The following ANKFY1 variants were observed in gnomAD, a reference collection of about 807,000 sequenced individuals.
ANKFY1 encodes the protein ankyrin repeat and FYVE domain-containing protein 1.
ANKFY1 carries 47 observed loss-of-function variants against 128.3 expected under a neutral mutation model. The ratio of observed to expected loss-of-function variants is 0.37; its 90% CI spans 0.29 to 0.47. The LOEUF (loss-of-function observed/expected upper bound fraction) is 0.47, where lower values mean the gene tolerates loss of function less well. Among genes scored for constraint, ANKFY1 ranks in the 20% least tolerant of loss-of-function variants. ANKFY1 has a pLI of 1.00. For synonymous variants in ANKFY1, 553 were observed against 601.6 expected, an observed-to-expected ratio of 0.92 and a Z score of 1.18; for missense variants, 1,222 against 1,510.6, an observed-to-expected ratio of 0.81 and a Z score of 3.17.
intron 1 of ANKFY1, among the ~76,000 whole-genome samples, chr17:4,263,044 T>C (rs1968506484): frequency 6.6e-6 from 1 of 150,410 alleles, no homozygotes; most frequent in African/African-American, 2.5e-5. Flanking sequence ...TCTCCAATAA[T>C]GGGGTGAAGA....
At chr17:4,233,741 C>T (rs572517793) in intron 3 of ANKFY1, among the ~76,000 whole-genome samples, 1 of 152,322 alleles carries the variant, frequency 6.6e-6, no homozygotes, top group African/African-American at 2.4e-5. Flanking sequence ...TCTGTATTTA[C>T]AGCCCTGGTC....
At chr17:4,196,889 G>A (rs1012072110) in intron 8 of ANKFY1, among the ~76,000 whole-genome samples, 2 of 152,226 alleles carry the variant, frequency 1.3e-5, no homozygotes, top group Admixed American at 1.3e-4. Context: ...GGAGACCGAG[G>A]TGGGCAGATT....
chr17:4,255,728 A>AAGAG (rs1968079035), intron 1 of ANKFY1, among the ~76,000 whole-genome samples: 1 of 152,198 alleles, frequency 6.6e-6, no homozygotes, highest in African/African-American at 2.4e-5. Context: ...ATTTCATTAA[A>AAGAG]GTGTCAGCTT....
intron 2 of ANKFY1, among the ~76,000 whole-genome samples, chr17:4,238,561 C>T (rs544954066): frequency 6.6e-6 from 1 of 152,166 alleles, no homozygotes; most frequent in South Asian, 2.1e-4. Context: ...ACAACCTCCA[C>T]CTCCCAGGTT....
At position 4,263,930 on chromosome 17, in the gene ANKFY1, A is replaced by G. The variant is rs1311011209; in HGVS notation, c.10+2T>C. On this transcript the variant is annotated splice_donor_variant, in intron 1 of 24. Coordinates refer to ENST00000341657, the MANE Select transcript of ANKFY1 (RefSeq NM_001330063.2). LOFTEE classifies it high-confidence loss of function. ...CCGCGCGGCTCCACAAAAAAACCCT[A>G]CCTTCCGCCATGTCTGGCCCGGCAC... 1.2e-6 allele frequency: 2 copies of G among 1,613,714 alleles called. No homozygotes were observed.
chr17:4,171,628 C>T (rs1041914060), intron 22 of ANKFY1, among the ~76,000 whole-genome samples: 3 of 152,170 alleles, frequency 2.0e-5, no homozygotes, highest in African/African-American at 7.2e-5. Context: ...ACACGGAGCC[C>T]CTCCCTGCTG....
intron 2 of ANKFY1, among the ~76,000 whole-genome samples, chr17:4,236,979 T>C (rs981106304): frequency 1.3e-5 from 2 of 151,788 alleles, no homozygotes; most frequent in Admixed American, 6.6e-5. Context: ...CTACTAAAAA[T>C]ACAAAAATTA....
intron 11 of ANKFY1, 124 bp downstream of exon 11, chr17:4,189,258 A>C: frequency 1.4e-6 from 1 of 697,270 alleles, no homozygotes; most frequent in East Asian, 2.8e-5. Context: ...TTTTAACCAT[A>C]TGCATGTATT....
In ANKFY1 at chr17:4,197,726, C is replaced by T. The variant is rs1007107111; in HGVS notation, c.899-149G>A. ...CTCTTGGGGCATCTGTAAGTGGAAA[C>T]TCATTGAGATCATGGAGTTACAGAC... On this transcript the variant is annotated intron_variant, in intron 7 of 24. Transcript: ENST00000341657. 8 of 738,712 alleles carry T rather than the reference C, an allele frequency of 1.1e-5. No homozygotes were observed. In the African/African-American group the frequency reaches 1.4e-4, roughly 13 times the overall value. The allele number at this position is 738,712 out of a possible 1,614,324, so 45.8% of individuals were successfully genotyped here.
intron 8 of ANKFY1, 92 bp from the exon 9 acceptor site, chr17:4,195,563 C>T (rs891120931): frequency 3.2e-6 from 3 of 945,214 alleles, no homozygotes; most frequent in Admixed American, 2.1e-5. Flanking sequence ...GGCAGAATCA[C>T]CACCCGCAAG....
chr17:4,189,848 G>A (rs1395224189), intron 10 of ANKFY1, among the ~76,000 whole-genome samples: 1 of 149,684 alleles, frequency 6.7e-6, no homozygotes, highest in African/African-American at 2.6e-5. Context: ...TCTGTATGTG[G>A]ACACAGAGGC....
chr17:4,252,751 T>C lies in ANKFY1; in HGVS notation c.11-10303A>G, dbSNP rs186923603. Among the ~76,000 whole-genome samples the C allele has an allele frequency of 4.6e-5, 7 of 152,300 alleles. No homozygotes were observed. The East Asian group carries it at 1.3e-3, about 29-fold the overall frequency. On this transcript the variant is annotated intron_variant, in intron 1 of 24. Transcript: ENST00000341657. ...ATAAACACAAAGAATTCTATTTAAA[T>C]GTTCAATGAAGCTTTATTCATAACA...
intron 3 of ANKFY1, chr17:4,223,840 G>A (rs2060371762): frequency 3.6e-5 from 42 of 1,178,026 alleles, no homozygotes; most frequent in South Asian, 3.0e-4. Flanking sequence ...CTCTTCTCTC[G>A]CAATCCCACA....
In ANKFY1 at chr17:4,167,088, A is replaced by C. The variant is rs1266918829; in HGVS notation, c.*691T>G. ...AAGACGAGAGAATGAGACGGCTGCT[A>C]CGAGGTGTCAAGCGGCCCAGCTGCA... On this transcript the variant is annotated 3_prime_UTR_variant, in exon 25 of 25. Coordinates refer to ENST00000341657, the MANE Select transcript of ANKFY1 (RefSeq NM_001330063.2). This position sits in a 1 kb window ranked among gnomAD's most constrained non-coding sequence, Gnocchi z 4.1. 6.6e-6 allele frequency: 1 copy of C among 152,642 alleles called. No individual in the cohort carries two copies. Among genetic ancestry groups the C allele is most frequent in the Non-Finnish European group, 1.5e-5 (1 of 68,042 alleles). 9.5% of individuals were successfully genotyped at this position (152,642 alleles called of 1,614,324 possible).
chr17:4,239,935 G>A lies in ANKFY1; in HGVS notation c.203+2321C>T, dbSNP rs565665265. Among the ~76,000 whole-genome samples the A allele has an allele frequency of 5.3e-5, 8 of 152,190 alleles. No individual in the cohort carries two copies. The South Asian group carries it at 1.7e-3, about 32-fold the overall frequency. On this transcript the variant is annotated intron_variant, in intron 2 of 24. Transcript: ENST00000341657. ...TTCCTTCTTATGTACATTCACATCT[G>A]TGTTTCTTTGCCACATCCAGCACCC... is the stretch of plus-strand genomic sequence containing the variant.
chr17:4,223,041 C>T, intron 3 of ANKFY1: 1 of 750,810 alleles, frequency 1.3e-6, no homozygotes, highest in Non-Finnish European at 2.4e-6. Context: ...AGATGTACTC[C>T]AAGAAGGTAC....
In ANKFY1 at chr17:4,167,941, G is replaced by C. The variant is rs1164424761; in HGVS notation, c.3378-30C>G. The C allele has an allele frequency of 6.2e-7, 1 of 1,604,914 alleles. No homozygotes were observed. The highest frequency in any genetic ancestry group is 8.5e-7 in the Non-Finnish European group (1 of 1,174,524). The stretch of plus-strand genomic sequence containing the variant: ...GGAAGCAAAGAAAGGAAGTATGAGA[G>C]GAGCGCCAACGACAGACTCTGCTTC... On this transcript the variant is annotated intron_variant, in intron 24 of 24. Coordinates refer to ENST00000341657, the MANE Select transcript of ANKFY1 (RefSeq NM_001330063.2). This position sits in a 1 kb window ranked among gnomAD's most constrained non-coding sequence, Gnocchi z 4.1.
At chr17:4,207,340 C>A (rs1460799221) in intron 6 of ANKFY1, among the ~76,000 whole-genome samples, 1 of 152,094 alleles carries the variant, frequency 6.6e-6, no homozygotes, top group Non-Finnish European at 1.5e-5. Flanking sequence ...AGACAAAAGC[C>A]GGGGGCTATG....
chr17:4,202,291 C>T (rs919957327), intron 7 of ANKFY1, among the ~76,000 whole-genome samples: 3 of 151,902 alleles, frequency 2.0e-5, no homozygotes, highest in Non-Finnish European at 2.9e-5. Flanking sequence ...ATCCCAGCTA[C>T]TAGGGAGGCT....
Sources: gnomAD v4.1 joint callset for allele counts (sites outside exome capture counted in the v4.1 genomes callset) on GRCh38, gnomAD v4.1.1 for gene constraint, Gnocchi (gnomAD v3.1) non-coding constraint, MANE v1.5 for transcripts, NCBI Gene and HGNC (gene_info 2026-07-23, HGNC 2026-07-21) for gene names.